Variants in METAP1D observed in about 807,000 individuals in gnomAD.
METAP1D encodes the protein methionyl aminopeptidase type 1D, mitochondrial.
In METAP1D, 31 loss-of-function variants were observed where a neutral mutation model predicts 40.5. The observed-to-expected ratio is 0.77, with a 90% CI of 0.58 to 1.03. METAP1D has a LOEUF of 1.03. Among genes scored for constraint, METAP1D ranks in the 50% least tolerant of loss-of-function variants. The probability of loss-of-function intolerance (pLI) is 0.00; values close to 1 mark genes in which losing one functional copy is unlikely to be tolerated. For missense variants in METAP1D, 411 were observed against 420.7 expected (o/e 0.98, Z 0.20); for synonymous variants, 151 against 146.4 (o/e 1.03, Z -0.22).
chr2:172,034,742 ATAGAG>A (rs1689329907), intron 1 of METAP1D, among the ~76,000 whole-genome samples: 1 of 152,228 alleles, frequency 6.6e-6, no homozygotes, highest in Non-Finnish European at 1.5e-5. Context: ...GTTTGTAGTA[ATAGAG>A]TAATTATAAG....
chr2:172,070,926 A>G lies in METAP1D; in HGVS notation c.560A>G (p.His187Arg). 6.2e-7 allele frequency: 1 copy of G among 1,611,730 alleles called. No individual in the cohort carries two copies. Among genetic ancestry groups the G allele is most frequent in the South Asian group, 1.1e-5 (1 of 90,762 alleles). The stretch of plus-strand genomic sequence containing the variant: ...GTTTAGGTCTATTACAATGGCTACC[A>G]TGGAGACACCTCTGAAACATTTTTG... Reference protein sequence around the residue: ...IDVTVYYNGYHGDTSETFLVG... With the variant: ...IDVTVYYNGYRGDTSETFLVG... The change falls in exon 6 of 10, where the codon CAT becomes CGT. Residue 187 changes from histidine (H) to arginine (R), a missense_variant. Physicochemically the swap from His to Arg is conservative, Grantham distance 29 (BLOSUM62 0). Coordinates refer to ENST00000315796, the MANE Select transcript of METAP1D (RefSeq NM_199227.3).
At chr2:172,004,708 A>G (rs1486199196) in intron 1 of METAP1D, among the ~76,000 whole-genome samples, 4 of 152,164 alleles carry the variant, frequency 2.6e-5, no homozygotes, top group African/African-American at 9.7e-5. Flanking sequence ...TTAGCTTCCT[A>G]TTACTTAGAC....
intron 8 of METAP1D, among the ~76,000 whole-genome samples, chr2:172,079,665 C>G (rs574354309): frequency 1.3e-4 from 20 of 152,098 alleles, no homozygotes; most frequent in Non-Finnish European, 1.8e-4. Flanking sequence ...CACCTAGGGC[C>G]GTAAAGACAT....
chr2:172,002,822 A>G (rs1189031434), intron 1 of METAP1D, among the ~76,000 whole-genome samples: 2 of 152,224 alleles, frequency 1.3e-5, no homozygotes, highest in African/African-American at 2.4e-5. Context: ...ATTTATTATC[A>G]GCATTTATGA....
intron 6 of METAP1D, chr2:172,072,426 G>C (rs916474933): frequency 6.0e-6 from 1 of 167,240 alleles, no homozygotes; most frequent in Non-Finnish European, 1.5e-5. Context: ...TGTCTAAAGG[G>C]CATGTCAGCC....
At position 172,080,809 on chromosome 2, in the gene METAP1D, T is replaced by C. The variant is rs1690689490; in HGVS notation, c.*403T>C. The stretch of plus-strand genomic sequence containing the variant: ...CCTCTCTGACAGTTACAGTGATCTT[T>C]GTATCTGAACTTTGCACGTCTGCCG... On this transcript the variant is annotated 3_prime_UTR_variant, in exon 10 of 10. Transcript: ENST00000315796. The C allele has an allele frequency of 4.2e-6, 1 of 240,416 alleles. No homozygotes were observed. The highest frequency in any genetic ancestry group is 2.3e-5 in the African/African-American group (1 of 43,710). The allele number at this position is 240,416 out of a possible 1,614,324, so 14.9% of individuals were successfully genotyped here. A position where few individuals can be genotyped will look rare whatever the true frequency, so the allele number is the denominator to read the frequency against.
At chr2:172,079,322 G>C (rs1690639450) in intron 8 of METAP1D, 60 bp downstream of exon 8, 2 of 1,543,046 alleles carry the variant, frequency 1.3e-6, no homozygotes, top group Admixed American at 3.3e-5. Context: ...TTTGCCACTG[G>C]CCTAGGCCCG....
intron 5 of METAP1D, among the ~76,000 whole-genome samples, chr2:172,068,878 C>T (rs1297196523): frequency 6.6e-6 from 1 of 151,750 alleles, no homozygotes; most frequent in Non-Finnish European, 1.5e-5. Context: ...TCCTCCCTCC[C>T]TTCCTCCCTT....
Position 172,080,431 on chromosome 2 carries a change from C to T in METAP1D, c.*25C>T, listed in dbSNP as rs775624680. On this transcript the variant is annotated 3_prime_UTR_variant, in exon 10 of 10. Coordinates refer to ENST00000315796, the MANE Select transcript of METAP1D (RefSeq NM_199227.3). ...AGGAGCCGCCCGAAGGTCGCGGTGA[C>T]CTGGTGCCTTTTTAAATAAATTGCT... 6.2e-6 allele frequency: 10 copies of T among 1,610,770 alleles called. No homozygotes were observed. The African/African-American group carries it at 1.2e-4, about 19-fold the overall frequency.
Position 172,004,484 on chromosome 2 carries a change from C to T in METAP1D, c.40+4475C>T, listed in dbSNP as rs374911395. ...AATTACAAGCATCCGCCGCCATGCC[C>T]GGCTAATTTTTGTATTTTTAGTAGA... On this transcript the variant is annotated intron_variant, in intron 1 of 9. Coordinates refer to ENST00000315796, the MANE Select transcript of METAP1D (RefSeq NM_199227.3). 7.9e-5 allele frequency among the ~76,000 whole-genome samples: 12 copies of T among 151,944 alleles called. No individual in the cohort carries two copies. The East Asian group carries it at 1.9e-3, about 25-fold the overall frequency.
At chr2:172,005,442 C>A (rs777979673) in intron 1 of METAP1D, among the ~76,000 whole-genome samples, 22 of 150,338 alleles carry the variant, frequency 1.5e-4, no homozygotes, top group Non-Finnish European at 2.1e-4. Context: ...TAATGGCCTC[C>A]AGTTCCATCC....
intron 1 of METAP1D, among the ~76,000 whole-genome samples, chr2:172,024,748 T>TTGTG (rs61596658): frequency 0.012 from 810 of 66,632 alleles, 9 homozygotes; most frequent in African/African-American, 0.025. Context: ...GACATATAGA[T>TTGTG]TGTGTGTGTG....
intron 1 of METAP1D, among the ~76,000 whole-genome samples, chr2:172,008,585 G>A (rs1485063137): frequency 6.6e-6 from 1 of 151,978 alleles, no homozygotes; most frequent in Non-Finnish European, 1.5e-5. Context: ...ACATTTCTGT[G>A]GTAAGGTTTA....
At chr2:172,066,189 T>A in intron 4 of METAP1D, 75 bp from the exon 5 acceptor site, 1 of 1,212,200 alleles carries the variant, frequency 8.2e-7, no homozygotes, top group Non-Finnish European at 1.2e-6. Flanking sequence ...GTGACAGTAG[T>A]CATTAAGTAT....
At chr2:172,057,507 G>A (rs1163638815) in intron 1 of METAP1D, among the ~76,000 whole-genome samples, 1 of 152,198 alleles carries the variant, frequency 6.6e-6, no homozygotes, top group African/African-American at 2.4e-5. Context: ...CCCAAAGCGT[G>A]TGTTTGGTCA....
intron 1 of METAP1D, among the ~76,000 whole-genome samples, chr2:172,002,997 T>G (rs1444613232): frequency 6.6e-6 from 1 of 152,238 alleles, no homozygotes; most frequent in Non-Finnish European, 1.5e-5. Context: ...ACTAGATTAT[T>G]AATTCTTGTT....
At chr2:172,059,685 A>G (rs1690088601) in intron 1 of METAP1D, among the ~76,000 whole-genome samples, 1 of 152,264 alleles carries the variant, frequency 6.6e-6, no homozygotes, top group African/African-American at 2.4e-5. Context: ...AACAGTCAGC[A>G]GTCCAGATTT....
chr2:172,000,537 T>G (rs1271901565), intron 1 of METAP1D, among the ~76,000 whole-genome samples: 2 of 152,200 alleles, frequency 1.3e-5, no homozygotes, highest in African/African-American at 4.8e-5. Flanking sequence ...GAGATTTTAG[T>G]AAATATACAA....
intron 1 of METAP1D, among the ~76,000 whole-genome samples, chr2:172,033,075 T>A (rs1237321395): frequency 2.7e-5 from 4 of 150,920 alleles, no homozygotes; most frequent in Admixed American, 1.3e-4. Context: ...AATAAATAAA[T>A]AAATAAATAA....
Sources: allele counts gnomAD v4.1 joint callset (sites outside exome capture counted in the v4.1 genomes callset), GRCh38; gene constraint gnomAD v4.1.1; transcripts MANE v1.5; gene names NCBI Gene and HGNC (gene_info 2026-07-23, HGNC 2026-07-21).